VSIG1: variants seen among roughly 807,000 people sequenced by gnomAD.
VSIG1 encodes the protein V-set and immunoglobulin domain-containing protein 1.
VSIG1 carries 11 observed loss-of-function variants against 20.1 expected under a neutral mutation model. The observed-to-expected ratio is 0.55, with a 90% CI of 0.34 to 0.91. The LOEUF is 0.91. Ranked by LOEUF, VSIG1 falls within the 40% of genes least tolerant of loss-of-function variation. The pLI is 0.02. For missense variants in VSIG1, 283 were observed against 298.8 expected, an observed-to-expected ratio of 0.95 and a Z score of 0.39; for synonymous variants, 126 against 116.7, an observed-to-expected ratio of 1.08 and a Z score of -0.52.
the VSIG1 span, among the ~76,000 whole-genome samples, chrX:108,023,855 G>A: frequency 8.9e-6 from 1 of 112,003 alleles, no homozygotes; most frequent in African/African-American, 3.2e-5. Flanking sequence ...CAAGGCAGGA[G>A]AAACAGCTTA....
chrX:108,053,451 A>G (rs2030826772), intron 1 of VSIG1, among the ~76,000 whole-genome samples: 1 of 111,489 alleles, frequency 9.0e-6, no homozygotes, highest in Admixed American at 9.5e-5. Context: ...GAATACCCAG[A>G]GAAACCACTG....
intron 1 of VSIG1, among the ~76,000 whole-genome samples, chrX:108,045,598 A>G (rs1185094044): frequency 8.9e-6 from 1 of 112,687 alleles, no homozygotes; most frequent in Non-Finnish European, 1.9e-5. Flanking sequence ...GCCCTGGCTT[A>G]CATATGGGAA....
Position 108,077,133 on chromosome X carries a change from T to G in VSIG1, c.916T>G (p.Ser306Ala). Residue 306 changes from serine to alanine, a missense_variant, in exon 7 of 7, where the codon TCC becomes GCC. Physicochemically the swap from Ser to Ala is moderately conservative, Grantham distance 99. Transcript: ENST00000217957. The stretch of plus-strand genomic sequence containing the variant: ...CCAACTAGAAGTAACTCTACCATCT[T>G]CCATTCATGAGACTGGCCCTGATAC... ...ATQLEVTLPS[S>A]IHETGPDTIQ... 8.3e-7 allele frequency: 1 copy of G among 1,211,813 alleles called. No individual in the cohort carries two copies. Among genetic ancestry groups the G allele is most frequent in the African/African-American group, 1.7e-5 (1 of 57,799 alleles).
At chrX:108,022,777 T>C in the VSIG1 span, among the ~76,000 whole-genome samples, 1 of 111,868 alleles carries the variant, frequency 8.9e-6, no homozygotes, top group East Asian at 2.8e-4. Flanking sequence ...GTGAGAGGTA[T>C]TTGGGTTATA....
At chrX:108,052,747 T>C (rs2030812073) in intron 1 of VSIG1, among the ~76,000 whole-genome samples, 1 of 112,106 alleles carries the variant, frequency 8.9e-6, no homozygotes, top group Non-Finnish European at 1.9e-5. Context: ...ATCCCATAAA[T>C]ATATGCAATA....
At chrX:108,020,670 T>C in the VSIG1 span, among the ~76,000 whole-genome samples, 1 of 112,106 alleles carries the variant, frequency 8.9e-6, no homozygotes, top group Admixed American at 9.4e-5. Context: ...AGAGATTCTT[T>C]GCAATTTACC....
the VSIG1 span, among the ~76,000 whole-genome samples, chrX:108,019,221 TGTG>T: frequency 9.0e-6 from 1 of 111,693 alleles, no homozygotes; most frequent in East Asian, 2.8e-4. Flanking sequence ...GGGTGCCAGT[TGTG>T]GTGATAGCAG....
At chrX:108,033,836 A>G in the VSIG1 span, among the ~76,000 whole-genome samples, 1 of 110,918 alleles carries the variant, frequency 9.0e-6, no homozygotes, top group Non-Finnish European at 1.9e-5. Context: ...ACTGCCTGAA[A>G]AAAAGCCTTA....
upstream of VSIG1, among the ~76,000 whole-genome samples, chrX:108,042,840 G>T (rs2030500174): frequency 8.9e-6 from 1 of 111,797 alleles, no homozygotes; most frequent in South Asian, 3.8e-4. Flanking sequence ...CCTGGTCAGA[G>T]ATTTATGTGA....
the VSIG1 span, among the ~76,000 whole-genome samples, chrX:108,031,666 A>G: frequency 8.9e-6 from 1 of 112,511 alleles, no homozygotes; most frequent in Non-Finnish European, 1.9e-5. Flanking sequence ...CCAAATTTAA[A>G]GGAATAATTT....
chrX:108,034,521 T>TTTTG, the VSIG1 span, among the ~76,000 whole-genome samples: 97 of 111,442 alleles, frequency 8.7e-4, no homozygotes, highest in African/African-American at 2.1e-3. Flanking sequence ...CCAGGTGTTT[T>TTTTG]TTTGTTTGTT....
chrX:108,029,941 A>G, the VSIG1 span, among the ~76,000 whole-genome samples: 1 of 112,011 alleles, frequency 8.9e-6, no homozygotes, highest in African/African-American at 3.2e-5. Context: ...AGAGAGAGAC[A>G]GCTGAGGTTG....
the VSIG1 span, among the ~76,000 whole-genome samples, chrX:108,037,656 T>A: frequency 8.9e-6 from 1 of 112,321 alleles, no homozygotes; most frequent in Non-Finnish European, 1.9e-5. Context: ...TTTCACCTTA[T>A]CCCACACAAT....
chrX:108,037,503 A>G, the VSIG1 span, among the ~76,000 whole-genome samples: 1 of 111,864 alleles, frequency 8.9e-6, no homozygotes, highest in Non-Finnish European at 1.9e-5. Context: ...TCATTTATTG[A>G]CTACGAAGCA....
the VSIG1 span, among the ~76,000 whole-genome samples, chrX:108,028,011 G>T: frequency 3.6e-5 from 4 of 111,375 alleles, no homozygotes; most frequent in Non-Finnish European, 7.6e-5. Flanking sequence ...TAATTTTGGG[G>T]TGACCCAAAA....
At chrX:108,061,508 T>G in intron 2 of VSIG1, 1 of 1,166,569 alleles carries the variant, frequency 8.6e-7, no homozygotes, top group Non-Finnish European at 1.1e-6. Flanking sequence ...CAAGAGACGC[T>G]CGGGGAAGAT....
intron 5 of VSIG1, among the ~76,000 whole-genome samples, chrX:108,074,481 C>A (rs971319109): frequency 5.4e-5 from 6 of 111,465 alleles, no homozygotes; most frequent in African/African-American, 2.0e-4. Flanking sequence ...TTCTTTCTTC[C>A]TTCCTTCCTC....
At chrX:108,047,959 C>CAT (rs1288556783) in intron 1 of VSIG1, among the ~76,000 whole-genome samples, 768 of 14,787 alleles carry the variant, frequency 0.052, 85 homozygotes, top group Non-Finnish European at 0.061. Flanking sequence ...TATATACACA[C>CAT]ACATATATAT....
upstream of VSIG1, among the ~76,000 whole-genome samples, chrX:108,041,974 C>T (rs1373033627): frequency 1.8e-5 from 2 of 110,906 alleles, no homozygotes; most frequent in African/African-American, 6.6e-5. Flanking sequence ...GTAGGTATAC[C>T]TGATTTATTT....
Sources: gnomAD v4.1 joint callset for allele counts (sites outside exome capture counted in the v4.1 genomes callset) on GRCh38, gnomAD v4.1.1 for gene constraint, MANE v1.5 for transcripts, NCBI Gene and HGNC (gene_info 2026-07-23, HGNC 2026-07-21) for gene names.